SMAD4: variants seen among roughly 807,000 people sequenced by gnomAD.
SMAD4 encodes SMAD family member 4.
In SMAD4, 7 loss-of-function variants were observed where a neutral mutation model predicts 63.2. That is an observed-to-expected ratio of 0.11 (90% CI 0.06 to 0.21). The LOEUF (loss-of-function observed/expected upper bound fraction) is 0.21, where lower values mean the gene tolerates loss of function less well. Among genes scored for constraint, SMAD4 ranks in the 10% least tolerant of loss-of-function variants. The pLI is 1.00. For missense variants in SMAD4, 312 were observed against 693.8 expected, an observed-to-expected ratio of 0.45 and a Z score of 6.18; for synonymous variants, 215 against 235.4, an observed-to-expected ratio of 0.91 and a Z score of 0.79.
intron 8 of SMAD4, among the ~76,000 whole-genome samples, chr18:51,061,794 C>T (rs148777342): frequency 1.2e-3 from 183 of 152,150 alleles, no homozygotes; most frequent in African/African-American, 4.1e-3. Context: ...ATAAACACAG[C>T]GCCCATAATG....
At position 51,058,201 on chromosome 18, in the gene SMAD4, G is replaced by C. The variant is rs2144427382; in HGVS notation, c.744G>C (p.Gln248His). Residue 248 changes from glutamine to histidine, a missense_variant, in exon 6 of 12, where the codon CAG (glutamine) becomes CAC (histidine). Transcript: ENST00000342988. Reference sequence around the variant, plus strand: ...TAGCATCAGGGCCTCAGCCAGGACAGCAGCAGAATGGATTTACTGGTCAGC... The same window carrying C: ...TAGCATCAGGGCCTCAGCCAGGACACCAGCAGAATGGATTTACTGGTCAGC... The part of the protein sequence containing the change: ...LQIASGPQPG[Q>H]QQNGFTGQPA... 2 of 1,614,202 alleles carry C rather than the reference G, an allele frequency of 1.2e-6. No homozygotes were observed. Among genetic ancestry groups the C allele is most frequent in the South Asian group, 2.2e-5 (2 of 91,086 alleles).
rs576009690 is a variant in SMAD4, at chr18:51,060,384, G to C, written c.955+468G>C. ...GTAAATCGCTAAGTAGCTTTCTTCAGTTCAAAGTTTGTGTATAATTTTTGA... is the reference window on the plus strand; with the variant it reads ...GTAAATCGCTAAGTAGCTTTCTTCACTTCAAAGTTTGTGTATAATTTTTGA... On this transcript the variant is annotated intron_variant, in intron 8 of 11. Transcript: ENST00000342988. 3.9e-5 allele frequency among the ~76,000 whole-genome samples: 6 copies of C among 152,268 alleles called. No individual in the cohort carries two copies. The East Asian group carries it at 9.6e-4, about 24-fold the overall frequency.
chr18:51,036,152 CTG>C (rs1345967585), intron 1 of SMAD4, among the ~76,000 whole-genome samples: 2 of 151,818 alleles, frequency 1.3e-5, no homozygotes, highest in African/African-American at 4.8e-5. Context: ...TTTTTTAAAA[CTG>C]TTTTGTAGAA....
chr18:51,069,714 C>A lies in SMAD4; in HGVS notation c.1308+2527C>A, dbSNP rs1910265560. On this transcript the variant is annotated intron_variant, in intron 10 of 11. Transcript: ENST00000342988. Reference sequence around the variant, plus strand: ...TTGCCTAGATTTCTCTGAAACTTTTCCCTGCCGTGGGCAAATATTTTATTC... The same window carrying A: ...TTGCCTAGATTTCTCTGAAACTTTTACCTGCCGTGGGCAAATATTTTATTC... 2.0e-5 allele frequency among the ~76,000 whole-genome samples: 3 copies of A among 152,166 alleles called. No homozygotes were observed. In the South Asian group the frequency reaches 6.2e-4, roughly 32 times the overall value.
At chr18:51,062,065 TA>T (rs2144438580) in intron 8 of SMAD4, among the ~76,000 whole-genome samples, 1 of 152,336 alleles carries the variant, frequency 6.6e-6, no homozygotes, top group African/African-American at 2.4e-5. Flanking sequence ...CATAGTTTAA[TA>T]AACTTTTTGC....
At chr18:51,042,809 C>T (rs1458454199) in intron 1 of SMAD4, among the ~76,000 whole-genome samples, 1 of 152,196 alleles carries the variant, frequency 6.6e-6, no homozygotes, top group Non-Finnish European at 1.5e-5. Flanking sequence ...TCAAGCAGTC[C>T]TCCTGCCCCA....
rs1210670369 is a variant in SMAD4 at position 51,079,017 on chromosome 18, A to G, written c.*550A>G. 4.3e-6 allele frequency: 1 copy of G among 233,506 alleles called. No individual in the cohort carries two copies. Among genetic ancestry groups the G allele is most frequent in the Non-Finnish European group, 8.5e-6 (1 of 118,100 alleles). The allele number at this position is 233,506 out of a possible 1,614,324, so 14.5% of individuals were successfully genotyped here. On this transcript the variant is annotated 3_prime_UTR_variant, in exon 12 of 12. Coordinates refer to ENST00000342988, the MANE Select transcript of SMAD4 (RefSeq NM_005359.6). ...ATAATGTATTGTAATCTTTCATCCA[A>G]AATATTTTTTGCAAGTTATATTAGT...
intron 1 of SMAD4, among the ~76,000 whole-genome samples, chr18:51,035,648 A>G (rs1386311239): frequency 2.0e-5 from 3 of 152,176 alleles, no homozygotes; most frequent in African/African-American, 7.2e-5. Context: ...GGCAGGTTGC[A>G]TTGGGCTTTT....
At chr18:51,074,144 T>G (rs1036167182) in intron 10 of SMAD4, among the ~76,000 whole-genome samples, 1 of 149,164 alleles carries the variant, frequency 6.7e-6, no homozygotes, top group Non-Finnish European at 1.5e-5. Flanking sequence ...GAGGTCAAGG[T>G]AGGAGGATTG....
chr18:51,064,513 A>G (rs1347753941), intron 8 of SMAD4, among the ~76,000 whole-genome samples: 2 of 152,204 alleles, frequency 1.3e-5, no homozygotes, highest in Non-Finnish European at 2.9e-5. Context: ...ATCCCTAGAT[A>G]CTCTGTAGAT....
At chr18:51,041,582 TC>T (rs1909384788) in intron 1 of SMAD4, among the ~76,000 whole-genome samples, 1 of 152,202 alleles carries the variant, frequency 6.6e-6, no homozygotes, top group Non-Finnish European at 1.5e-5. Flanking sequence ...TTGCCAAGTG[TC>T]CCCTGAGGGA....
intron 10 of SMAD4, among the ~76,000 whole-genome samples, chr18:51,073,361 T>TTATATATATATATATATATATATA (rs35099364): frequency 1.4e-4 from 3 of 22,218 alleles, no homozygotes; most frequent in African/African-American, 1.9e-4. Context: ...CCAGATAACA[T>TTATATATATATATATATATATATA]TATATATATA....
chr18:51,044,566 T>C (rs575383596), intron 1 of SMAD4, among the ~76,000 whole-genome samples: 2 of 152,176 alleles, frequency 1.3e-5, no homozygotes, highest in South Asian at 4.1e-4. Context: ...TTAATTTTTT[T>C]ATTTTGAGTA....
In SMAD4 at chr18:51,084,617, C is replaced by T. The variant is rs187018810; in HGVS notation, c.*6150C>T. The T allele has an allele frequency of 3.0e-4, 70 of 229,954 alleles. 1 individual carries two copies. Among genetic ancestry groups the T allele is most frequent in the African/African-American group, 1.4e-3 (62 of 45,176 alleles). The allele number at this position is 229,954 out of a possible 1,614,324, so 14.2% of individuals were successfully genotyped here. On this transcript the variant is annotated 3_prime_UTR_variant, in exon 12 of 12. Transcript: ENST00000342988. ...TGCTTGTCATTGATAGAAGGACTCA[C>T]GGGCTTGGATTGATTAAGACTAAAC...
rs566182609 is a variant in SMAD4, at chr18:51,081,300, C to T, written c.*2833C>T. 2.2e-5 allele frequency: 5 copies of T among 227,526 alleles called. No individual in the cohort carries two copies. The East Asian group carries it at 2.5e-4, about 12-fold the overall frequency. 14.1% of individuals were successfully genotyped at this position (227,526 alleles called of 1,614,324 possible). A position where few individuals can be genotyped will look rare whatever the true frequency, so the allele number is the denominator to read the frequency against. ...TGAGAGATGAGCCATGTACACCCACCGTAAGACCTCATTCCATGTTTGTCC... is the reference window on the plus strand; with the variant it reads ...TGAGAGATGAGCCATGTACACCCACTGTAAGACCTCATTCCATGTTTGTCC... On this transcript the variant is annotated 3_prime_UTR_variant, in exon 12 of 12. Transcript: ENST00000342988.
chr18:51,031,874 A>G (rs375228441), intron 1 of SMAD4, among the ~76,000 whole-genome samples: 1 of 152,348 alleles, frequency 6.6e-6, no homozygotes, highest in East Asian at 1.9e-4. Context: ...AAATCTAGGA[A>G]GTTCTAAAAT....
chr18:51,043,197 A>G (rs888328757), intron 1 of SMAD4, among the ~76,000 whole-genome samples: 6 of 152,222 alleles, frequency 3.9e-5, no homozygotes, highest in African/African-American at 1.4e-4. Context: ...TGGAAAAAAA[A>G]TGGGATGTTG....
chr18:51,036,192 G>T (rs1473719253), intron 1 of SMAD4, among the ~76,000 whole-genome samples: 1 of 151,938 alleles, frequency 6.6e-6, no homozygotes, highest in Non-Finnish European at 1.5e-5. Flanking sequence ...TTGCTTTGTT[G>T]CCCAGGCTAG....
chr18:51,065,029 T>G (rs1289894432), intron 8 of SMAD4, among the ~76,000 whole-genome samples: 2 of 152,230 alleles, frequency 1.3e-5, no homozygotes, highest in African/African-American at 4.8e-5. Context: ...AGAATATGTG[T>G]AGTCAAATGA....
Sources: gnomAD v4.1 joint callset for allele counts (sites outside exome capture counted in the v4.1 genomes callset) on GRCh38, gnomAD v4.1.1 for gene constraint, MANE v1.5 for transcripts, NCBI Gene and HGNC (gene_info 2026-07-23, HGNC 2026-07-21) for gene names.